Variants in PKHD1 observed in about 807,000 individuals in gnomAD.
The protein encoded by PKHD1 is fibrocystin.
A neutral mutation model predicts 412.0 loss-of-function variants in PKHD1; 291 were observed. The observed-to-expected ratio is 0.71, with a 90% CI of 0.64 to 0.78. The LOEUF (loss-of-function observed/expected upper bound fraction) is 0.78, where lower values mean the gene tolerates loss of function less well. Ranked by LOEUF, PKHD1 falls within the 30% of genes least tolerant of loss-of-function variation. The probability of loss-of-function intolerance (pLI) is 0.00; values close to 1 mark genes in which losing one functional copy is unlikely to be tolerated. For missense variants in PKHD1, 4,825 were observed against 4,950.7 expected, an observed-to-expected ratio of 0.97 and a Z score of 0.76; for synonymous variants, 1,777 against 1,821.5, an observed-to-expected ratio of 0.98 and a Z score of 0.62.
intron 60 of PKHD1, chr6:51,720,771 G>GTT (rs1562164323): frequency 8.4e-6 from 1 of 119,732 alleles, no homozygotes; most frequent in Non-Finnish European, 1.8e-5. Flanking sequence ...GTGTGTGTGT[G>GTT]TGTGTGTGTG....
intron 35 of PKHD1, among the ~76,000 whole-genome samples, chr6:52,002,010 T>C (rs568028137): frequency 6.6e-6 from 1 of 152,334 alleles, no homozygotes; most frequent in African/African-American, 2.4e-5. Flanking sequence ...GACACTGCGT[T>C]AAGTGCACTA....
intron 35 of PKHD1, among the ~76,000 whole-genome samples, chr6:51,996,625 A>G (rs1007847341): frequency 1.3e-5 from 2 of 152,242 alleles, no homozygotes; most frequent in African/African-American, 4.8e-5. Flanking sequence ...TGTTAAAAGC[A>G]GACATTCCTA....
chr6:51,791,804 G>C (rs1793800384), intron 52 of PKHD1, among the ~76,000 whole-genome samples: 1 of 152,186 alleles, frequency 6.6e-6, no homozygotes, highest in Non-Finnish European at 1.5e-5. Context: ...TAGCTGTCTA[G>C]GCAAATAACT....
rs555109391 is a variant in PKHD1 at position 51,944,532 on chromosome 6, GC to G, written c.5909-10211del. 1.1e-3 allele frequency among the ~76,000 whole-genome samples: 169 copies of G among 152,206 alleles called. 1 individual carries two copies. The South Asian group carries it at 0.014, about 13-fold the overall frequency. ...GACCCAAGACTCAACCAGTGCTGTG[GC>G]CCTTACCTAAAGACAGACTCAGTAC... On this transcript the variant is annotated intron_variant, in intron 36 of 66. Transcript: ENST00000371117.
intron 34 of PKHD1, among the ~76,000 whole-genome samples, chr6:52,012,723 T>C (rs892953499): frequency 6.6e-6 from 1 of 152,182 alleles, no homozygotes; most frequent in African/African-American, 2.4e-5. Flanking sequence ...GAACCTTTTT[T>C]TGTTACTGGG....
chr6:51,635,476 A>T (rs755031497), intron 64 of PKHD1, among the ~76,000 whole-genome samples: 1 of 152,150 alleles, frequency 6.6e-6, no homozygotes, highest in Non-Finnish European at 1.5e-5. Flanking sequence ...TGTAGCTATG[A>T]TGCACCAGGC....
At chr6:52,030,873 G>A (rs2128159048) in intron 29 of PKHD1, among the ~76,000 whole-genome samples, 1 of 152,238 alleles carries the variant, frequency 6.6e-6, no homozygotes, top group African/African-American at 2.4e-5. Flanking sequence ...AATTTAAATG[G>A]CTAAAAATAT....
chr6:52,081,880 G>C (rs532399954), intron 4 of PKHD1, among the ~76,000 whole-genome samples: 2 of 151,992 alleles, frequency 1.3e-5, no homozygotes, highest in Non-Finnish European at 2.9e-5. Flanking sequence ...AAATAAAAAT[G>C]AACATGAACT....
At position 51,840,706 on chromosome 6, in the gene PKHD1, A is replaced by T. The variant is rs557121938; in HGVS notation, c.8108-4237T>A. Reference sequence around the variant, plus strand: ...AACTAAACAAATTTTCTCATACTACACTCTTAAAATATTGTTTGTTCTCAG... The same window carrying T: ...AACTAAACAAATTTTCTCATACTACTCTCTTAAAATATTGTTTGTTCTCAG... On this transcript the variant is annotated intron_variant, in intron 50 of 66. Coordinates refer to ENST00000371117, the MANE Select transcript of PKHD1 (RefSeq NM_138694.4). Among the ~76,000 whole-genome samples the T allele has an allele frequency of 7.2e-5, 11 of 152,116 alleles. No homozygotes were observed. The South Asian group carries it at 2.1e-3, about 29-fold the overall frequency.
At chr6:51,646,241 G>A (rs771834914) in intron 63 of PKHD1, among the ~76,000 whole-genome samples, 11 of 152,276 alleles carry the variant, frequency 7.2e-5, no homozygotes, top group South Asian at 2.1e-4. Context: ...GACTCCCTCC[G>A]ATGAGAAGGA....
intron 34 of PKHD1, among the ~76,000 whole-genome samples, chr6:52,013,596 C>T (rs1011211377): frequency 6.6e-6 from 1 of 151,844 alleles, no homozygotes; most frequent in African/African-American, 2.4e-5. Flanking sequence ...TATATATATG[C>T]AACATAAGCA....
chr6:51,781,523 T>C (rs576932316), intron 53 of PKHD1, among the ~76,000 whole-genome samples: 1 of 152,216 alleles, frequency 6.6e-6, no homozygotes, highest in African/African-American at 2.4e-5. Flanking sequence ...GAAAACTTCC[T>C]CCATAAGGTC....
At chr6:51,837,909 T>C (rs1406479455) in intron 50 of PKHD1, among the ~76,000 whole-genome samples, 1 of 152,154 alleles carries the variant, frequency 6.6e-6, no homozygotes, top group East Asian at 1.9e-4. Context: ...TGAGACCTGG[T>C]ACAATGACAA....
intron 35 of PKHD1, among the ~76,000 whole-genome samples, chr6:51,985,122 T>C (rs1796048109): frequency 6.6e-6 from 1 of 152,182 alleles, no homozygotes; most frequent in African/African-American, 2.4e-5. Flanking sequence ...AACTATATTA[T>C]TTTGCAATAT....
chr6:51,893,065 C>T (rs1003350853), intron 43 of PKHD1, among the ~76,000 whole-genome samples: 9 of 152,096 alleles, frequency 5.9e-5, no homozygotes, highest in Non-Finnish European at 1.2e-4. Context: ...ACATAAGAAC[C>T]GAGGGCCAGA....
At chr6:51,922,865 G>A (rs1429000847) in intron 37 of PKHD1, among the ~76,000 whole-genome samples, 1 of 152,166 alleles carries the variant, frequency 6.6e-6, no homozygotes, top group African/African-American at 2.4e-5. Context: ...CCTTGGCTAG[G>A]AAAGGGAATT....
intron 43 of PKHD1, among the ~76,000 whole-genome samples, chr6:51,895,980 C>A (rs907892597): frequency 6.6e-6 from 1 of 152,166 alleles, no homozygotes; most frequent in Non-Finnish European, 1.5e-5. Flanking sequence ...AACGGCACAC[C>A]ACAAGATTAT....
chr6:51,717,946 T>C (rs548938479), intron 60 of PKHD1, among the ~76,000 whole-genome samples: 1 of 152,310 alleles, frequency 6.6e-6, no homozygotes, highest in South Asian at 2.1e-4. Context: ...TCATCACAAG[T>C]ATCTTCCACT....
chr6:51,829,507 G>T (rs1767890009), intron 52 of PKHD1, among the ~76,000 whole-genome samples: 1 of 152,132 alleles, frequency 6.6e-6, no homozygotes, highest in Non-Finnish European at 1.5e-5. Flanking sequence ...CAAAGAGATG[G>T]CTGAGACAGA....
Sources: gnomAD v4.1 joint callset for allele counts (sites outside exome capture counted in the v4.1 genomes callset) on GRCh38, gnomAD v4.1.1 for gene constraint, MANE v1.5 for transcripts, NCBI Gene and HGNC (gene_info 2026-07-23, HGNC 2026-07-21) for gene names.